LONP2: variants seen among roughly 807,000 people sequenced by gnomAD.
The protein encoded by LONP2 is lon protease homolog 2, peroxisomal.
Under a neutral mutation model 85.6 loss-of-function variants are expected in LONP2, and 60 were observed. The observed-to-expected ratio is 0.70, with a 90% CI of 0.57 to 0.87. The LOEUF is 0.87. Ranked by LOEUF, LONP2 falls within the 40% of genes least tolerant of loss-of-function variation. The pLI is 0.00. For missense variants in LONP2, 860 were observed against 1,063.5 expected, an observed-to-expected ratio of 0.81 and a Z score of 2.66; for synonymous variants, 395 against 389.7, an observed-to-expected ratio of 1.01 and a Z score of -0.16.
intron 11 of LONP2, among the ~76,000 whole-genome samples, chr16:48,306,051 A>G (rs995676715): frequency 6.6e-6 from 1 of 152,168 alleles, no homozygotes; most frequent in Non-Finnish European, 1.5e-5. Context: ...TAAGACCTAG[A>G]TCTAGATGCT....
Position 48,261,693 on chromosome 16 carries a change from A to G in LONP2, c.887+106A>G, listed in dbSNP as rs74016353. ...CCAATACTGAGGATACATAATACAA[A>G]TCTTCCACCTGCAGTGTGCTGTCAG... On this transcript the variant is annotated intron_variant, in intron 5 of 14. Coordinates refer to ENST00000285737, the MANE Select transcript of LONP2 (RefSeq NM_031490.5). The G allele has an allele frequency of 3.7e-3, 3,028 of 815,112 alleles. 74 individuals carry two copies. The African/African-American group carries it at 0.048, about 13-fold the overall frequency. 50.5% of individuals were successfully genotyped at this position (815,112 alleles called of 1,614,324 possible).
At chr16:48,272,216 T>G (rs1972119766) in intron 7 of LONP2, among the ~76,000 whole-genome samples, 1 of 152,218 alleles carries the variant, frequency 6.6e-6, no homozygotes, top group Admixed American at 6.5e-5. Flanking sequence ...AGGACAAATT[T>G]AGATTTACAA....
intron 12 of LONP2, among the ~76,000 whole-genome samples, chr16:48,342,489 T>C (rs1193887730): frequency 6.6e-6 from 1 of 152,226 alleles, no homozygotes; most frequent in Admixed American, 6.5e-5. Flanking sequence ...TGATGCTGCA[T>C]GTTCAGTCTG....
chr16:48,285,218 G>A (rs1181431403), intron 8 of LONP2, among the ~76,000 whole-genome samples: 2 of 151,646 alleles, frequency 1.3e-5, no homozygotes, highest in African/African-American at 4.8e-5. Context: ...TTAAGCTTGT[G>A]GCGGATCTCT....
At chr16:48,308,558 C>T (rs1206200363) in intron 11 of LONP2, among the ~76,000 whole-genome samples, 1 of 146,704 alleles carries the variant, frequency 6.8e-6, no homozygotes, top group Non-Finnish European at 1.5e-5. Context: ...ACCCAGGAGG[C>T]GGATGGTGCA....
Position 48,348,209 on chromosome 16 carries a change from C to T in LONP2, c.2256C>T (p.Leu752=), listed in dbSNP as rs369414068. The part of the protein sequence containing the change: ...PSAGVTIVTC[L]ASLFSGRLVR... ...CTGGAGTTACCATAGTAACCTGTCT[C>T]GCCTCACTTTTTAGTGGGCGGCTGG... The change falls in exon 14 of 15, where the codon CTC becomes CTT. Residue 752 remains leucine, a synonymous_variant. Transcript: ENST00000285737. The T allele has an allele frequency of 1.6e-4, 253 of 1,612,364 alleles. No homozygotes were observed. Among genetic ancestry groups the T allele is most frequent in the Non-Finnish European group, 1.9e-4 (228 of 1,179,676 alleles).
intron 11 of LONP2, among the ~76,000 whole-genome samples, chr16:48,305,089 C>A (rs1439128204): frequency 6.6e-6 from 1 of 152,214 alleles, no homozygotes; most frequent in East Asian, 1.9e-4. Flanking sequence ...CCTGCCTCCC[C>A]ACGCCTGGAA....
At chr16:48,279,659 G>T (rs1046679269) in intron 8 of LONP2, among the ~76,000 whole-genome samples, 5 of 152,096 alleles carry the variant, frequency 3.3e-5, no homozygotes, top group South Asian at 2.1e-4. Context: ...TTGCTGGGGT[G>T]GGGGAGGGGA....
At position 48,354,834 on chromosome 16, in the gene LONP2, T is replaced by C. The variant is rs1421013019; in HGVS notation, c.*3032T>C. Reference sequence around the variant, plus strand: ...ATGAACCTCTTCCTCCTTTGCCACTTTAGCTTTAGCTCAAAGGAACTCCAA... The same window carrying C: ...ATGAACCTCTTCCTCCTTTGCCACTCTAGCTTTAGCTCAAAGGAACTCCAA... On this transcript the variant is annotated 3_prime_UTR_variant, in exon 15 of 15. Transcript: ENST00000285737. 2.0e-5 allele frequency: 3 copies of C among 152,196 alleles called. No homozygotes were observed. Among genetic ancestry groups the C allele is most frequent in the African/African-American group, 7.2e-5 (3 of 41,432 alleles). The allele number at this position is 152,196 out of a possible 1,614,324, so 9.4% of individuals were successfully genotyped here. A position where few individuals can be genotyped will look rare whatever the true frequency, so the allele number is the denominator to read the frequency against.
At chr16:48,254,467 G>A (rs898902716) in intron 2 of LONP2, among the ~76,000 whole-genome samples, 2 of 151,394 alleles carry the variant, frequency 1.3e-5, no homozygotes, top group Non-Finnish European at 1.5e-5. Flanking sequence ...GGGTTCAAGC[G>A]ATTCTCCTGC....
rs528131321 is a variant in LONP2, at chr16:48,353,967, C to T, written c.*2165C>T. On this transcript the variant is annotated 3_prime_UTR_variant, in exon 15 of 15. Coordinates refer to ENST00000285737, the MANE Select transcript of LONP2 (RefSeq NM_031490.5). ...CTGTGTATGACATGGAACAGTATGA[C>T]CATTGCACTAGCTTTGTTTTTGGTT... The T allele has an allele frequency of 6.6e-6, 1 of 151,382 alleles. No individual in the cohort carries two copies. Among genetic ancestry groups the T allele is most frequent in the Non-Finnish European group, 1.5e-5 (1 of 67,954 alleles). The allele number at this position is 151,382 out of a possible 1,614,324, so 9.4% of individuals were successfully genotyped here. A position where few individuals can be genotyped will look rare whatever the true frequency, so the allele number is the denominator to read the frequency against.
intron 12 of LONP2, chr16:48,334,910 C>A: frequency 2.6e-6 from 1 of 382,422 alleles, no homozygotes; most frequent in South Asian, 2.2e-5. Flanking sequence ...TGTTGGTACT[C>A]ACTGGTGTAC....
intron 8 of LONP2, among the ~76,000 whole-genome samples, chr16:48,280,964 G>A (rs1972313720): frequency 6.6e-6 from 1 of 152,098 alleles, no homozygotes; most frequent in Non-Finnish European, 1.5e-5. Context: ...TTTAAAAAAA[G>A]AACAAACTCA....
chr16:48,302,963 G>A (rs983475922), intron 10 of LONP2, among the ~76,000 whole-genome samples: 1 of 152,138 alleles, frequency 6.6e-6, no homozygotes, highest in Non-Finnish European at 1.5e-5. Flanking sequence ...AAGATAATCT[G>A]TATAAAGGAA....
chr16:48,246,609 C>T (rs1312013389), intron 1 of LONP2, among the ~76,000 whole-genome samples: 1 of 152,142 alleles, frequency 6.6e-6, no homozygotes, highest in Non-Finnish European at 1.5e-5. Context: ...CTCATTCTGT[C>T]TCCTCCGCTG....
downstream of LONP2, among the ~76,000 whole-genome samples, chr16:48,359,256 G>A (rs555880888): frequency 1.3e-5 from 2 of 152,124 alleles, no homozygotes; most frequent in Non-Finnish European, 2.9e-5. Flanking sequence ...GAGCCACAGC[G>A]TCCAGCCACG....
chr16:48,257,283 C>T (rs1971780111), intron 3 of LONP2, among the ~76,000 whole-genome samples: 1 of 152,030 alleles, frequency 6.6e-6, no homozygotes, highest in South Asian at 2.1e-4. Flanking sequence ...TGCACTCCAG[C>T]CTGGGCAACA....
chr16:48,254,666 C>T (rs1041586038), intron 2 of LONP2, among the ~76,000 whole-genome samples: 9 of 152,200 alleles, frequency 5.9e-5, no homozygotes, highest in Admixed American at 3.3e-4. Context: ...GCTTTCCCAA[C>T]AGCTGTAGGC....
rs1421303378 is a variant in LONP2 at position 48,356,759 on chromosome 16, A to G, written c.*4957A>G. On this transcript the variant is annotated 3_prime_UTR_variant, in exon 15 of 15. Coordinates refer to ENST00000285737, the MANE Select transcript of LONP2 (RefSeq NM_031490.5). Reference sequence around the variant, plus strand: ...AAAAGTTACAGCAAAAGGACTTCTAAAACAATTTTAGGAAAAGCTTTGTCA... The same window carrying G: ...AAAAGTTACAGCAAAAGGACTTCTAGAACAATTTTAGGAAAAGCTTTGTCA... The G allele has an allele frequency of 6.4e-6, 2 of 310,132 alleles. No individual in the cohort carries two copies. Among genetic ancestry groups the G allele is most frequent in the East Asian group, 8.8e-5 (1 of 11,376 alleles). 19.2% of individuals were successfully genotyped at this position (310,132 alleles called of 1,614,324 possible).
Sources: allele counts gnomAD v4.1 joint callset (sites outside exome capture counted in the v4.1 genomes callset), GRCh38; gene constraint gnomAD v4.1.1; transcripts MANE v1.5; gene names NCBI Gene and HGNC (gene_info 2026-07-23, HGNC 2026-07-21).